HEPHL1: variants seen among roughly 807,000 people sequenced by gnomAD.
The protein encoded by HEPHL1 is hephaestin like 1.
A neutral mutation model predicts 122.0 loss-of-function variants in HEPHL1; 123 were observed. The observed-to-expected ratio is 1.01, with a 90% CI of 0.87 to 1.17. HEPHL1 has a LOEUF of 1.17. Ranked by LOEUF, HEPHL1 falls within the 50% of genes most tolerant of loss-of-function variation. The pLI, the probability that HEPHL1 is intolerant of heterozygous loss-of-function variation, is 0.00. For missense variants in HEPHL1, 1,452 were observed against 1,430.5 expected, an observed-to-expected ratio of 1.01 and a Z score of -0.24; for synonymous variants, 527 against 508.9, an observed-to-expected ratio of 1.04 and a Z score of -0.48.
At chr11:94,030,292 C>T (rs763408127) in intron 1 of HEPHL1, among the ~76,000 whole-genome samples, 1 of 152,234 alleles carries the variant, frequency 6.6e-6, no homozygotes, top group African/African-American at 2.4e-5. Context: ...TCAGTTCTTC[C>T]TCTGCCTCTT....
At chr11:94,076,193 C>T (rs1296039088) in intron 9 of HEPHL1, among the ~76,000 whole-genome samples, 1 of 151,944 alleles carries the variant, frequency 6.6e-6, no homozygotes, top group Non-Finnish European at 1.5e-5. Flanking sequence ...AGGAACAATC[C>T]CGGAAATGTC....
At chr11:94,074,672 C>T (rs1041930499) in intron 8 of HEPHL1, among the ~76,000 whole-genome samples, 1 of 152,036 alleles carries the variant, frequency 6.6e-6, no homozygotes, top group Non-Finnish European at 1.5e-5. Context: ...AGTTTGAATC[C>T]CAGATTTGCT....
intron 10 of HEPHL1, 30 bp from the exon 11 acceptor site, chr11:94,085,947 A>C (rs1275083068): frequency 1.3e-6 from 2 of 1,560,142 alleles, no homozygotes; most frequent in African/African-American, 1.4e-5. Context: ...CACACTGATA[A>C]TTTTTCACCG....
intron 18 of HEPHL1, among the ~76,000 whole-genome samples, 180 bp downstream of exon 18, chr11:94,111,245 G>A (rs1172634275): frequency 3.3e-5 from 5 of 152,200 alleles, no homozygotes; most frequent in Non-Finnish European, 7.4e-5. Flanking sequence ...AGAATGCAGA[G>A]TACAGGGCTT....
chr11:94,102,409 C>T (rs1946374415), intron 14 of HEPHL1, among the ~76,000 whole-genome samples: 1 of 152,130 alleles, frequency 6.6e-6, no homozygotes, highest in South Asian at 2.1e-4. Flanking sequence ...CTGGTTCTCA[C>T]CAGATCTCAC....
At chr11:94,073,893 A>G (rs1214772683) in intron 8 of HEPHL1, among the ~76,000 whole-genome samples, 1 of 152,086 alleles carries the variant, frequency 6.6e-6, no homozygotes, top group African/African-American at 2.4e-5. Context: ...CAAATCAACA[A>G]ATATATTTAT....
At position 94,088,890 on chromosome 11, in the gene HEPHL1, C is replaced by T. The variant is rs1187547964; in HGVS notation, c.2216C>T (p.Ala739Val). 1.2e-6 allele frequency: 2 copies of T among 1,613,980 alleles called. No individual in the cohort carries two copies. Among genetic ancestry groups the T allele is most frequent in the Admixed American group, 1.7e-5 (1 of 60,020 alleles). ...YGMIRTFYIA[A>V]EEVEWDYAPN... ...ATGATAAGAACTTTTTACATCGCCG[C>T]TGAAGAAGTAGAATGGGATTATGCC... The change falls in exon 12 of 20, where the codon GCT becomes GTT. Residue 739 changes from alanine to valine, a missense_variant. Transcript: ENST00000315765.
At chr11:94,057,928 A>AT (rs1327288021) in intron 2 of HEPHL1, among the ~76,000 whole-genome samples, 3 of 127,220 alleles carry the variant, frequency 2.4e-5, no homozygotes, top group South Asian at 2.7e-4. Context: ...ACTCTAGGTT[A>AT]TTTTTTTTGC....
At chr11:94,058,548 G>A (rs929730953) in intron 2 of HEPHL1, among the ~76,000 whole-genome samples, 4 of 152,044 alleles carry the variant, frequency 2.6e-5, no homozygotes, top group East Asian at 1.9e-4. Flanking sequence ...TGGGTTGAGC[G>A]GGTGGGGCTA....
At chr11:94,107,295 T>A (rs1355011461) in intron 17 of HEPHL1, among the ~76,000 whole-genome samples, 2 of 152,220 alleles carry the variant, frequency 1.3e-5, no homozygotes, top group African/African-American at 4.8e-5. Context: ...ACATATTAAA[T>A]GGCTATGCTG....
intron 13 of HEPHL1, among the ~76,000 whole-genome samples, chr11:94,099,994 C>G (rs948664256): frequency 6.6e-6 from 1 of 152,100 alleles, no homozygotes; most frequent in Admixed American, 6.6e-5. Context: ...CTTCGGCTCA[C>G]GCTCGGTGGG....
chr11:94,070,405 C>T lies in HEPHL1; in HGVS notation c.1095C>T (p.Asn365=), dbSNP rs757924456. ...TGCTGGGGCAATACAATGTTGATAACTGCAAAAGTGATATTTTCTACCCCA... is the reference window on the plus strand; with the variant it reads ...TGCTGGGGCAATACAATGTTGATAATTGCAAAAGTGATATTTTCTACCCCA... ...AGMLGQYNVD[N]CKSDIFYPKM... The change falls in exon 6 of 20, where the codon AAC becomes AAT. Residue 365 remains asparagine, a synonymous_variant. Transcript: ENST00000315765. 7.5e-6 allele frequency: 12 copies of T among 1,601,558 alleles called. No homozygotes were observed. In the Admixed American group the frequency reaches 2.1e-4, roughly 28 times the overall value.
chr11:94,070,624 C>T, intron 6 of HEPHL1, 82 bp downstream of exon 6: 1 of 1,161,954 alleles, frequency 8.6e-7, no homozygotes, highest in Non-Finnish European at 1.2e-6. Context: ...ATTTGTATTC[C>T]AACCACTGCT....
intron 1 of HEPHL1, among the ~76,000 whole-genome samples, chr11:94,035,547 G>T (rs1945712966): frequency 6.6e-6 from 1 of 152,098 alleles, no homozygotes; most frequent in Non-Finnish European, 1.5e-5. Flanking sequence ...ACAACGTGCA[G>T]GTTTGTTACA....
At position 94,111,002 on chromosome 11, in the gene HEPHL1, T is replaced by G. The variant is rs1946444565; in HGVS notation, c.3145T>G (p.Cys1049Gly). The G allele has an allele frequency of 6.2e-7, 1 of 1,610,470 alleles. No homozygotes were observed. The highest frequency in any genetic ancestry group is 8.5e-7 in the Non-Finnish European group (1 of 1,178,056). The change falls in exon 18 of 20, where the codon TGT becomes GGT. Residue 1049 changes from cysteine (C) to glycine (G), a missense_variant. Cys to Gly is a radical substitution (Grantham distance 159). Transcript: ENST00000315765. ...TCACCCAGGGACATGGCTGCTACAC[T>G]GTCATGTGTCTGACCACATCCATGC... ...ADHPGTWLLH[C>G]HVSDHIHAGM...
At chr11:94,063,073 A>C (rs1447258646) in intron 2 of HEPHL1, among the ~76,000 whole-genome samples, 1 of 138,636 alleles carries the variant, frequency 7.2e-6, no homozygotes, top group Non-Finnish European at 1.6e-5. Context: ...CCTATCTCTC[A>C]TGAGACCTAC....
At chr11:94,088,727 A>ATTT in intron 11 of HEPHL1, 28 bp from the exon 12 acceptor site, 2 of 1,573,392 alleles carry the variant, frequency 1.3e-6, no homozygotes, top group Non-Finnish European at 1.7e-6. Context: ...CGAGCACCAC[A>ATTT]CTCAATGCCG....
intron 1 of HEPHL1, among the ~76,000 whole-genome samples, chr11:94,034,224 A>G (rs1275746645): frequency 6.6e-6 from 1 of 152,214 alleles, no homozygotes; most frequent in Non-Finnish European, 1.5e-5. Flanking sequence ...CCTTTCCTCC[A>G]TCTGCCTAAG....
At chr11:94,097,223 T>C (rs189008024) in intron 13 of HEPHL1, among the ~76,000 whole-genome samples, 6 of 152,366 alleles carry the variant, frequency 3.9e-5, no homozygotes, top group Admixed American at 3.9e-4. Context: ...GTTGTGTCTT[T>C]GTTCTCATTG....
Sources: gnomAD v4.1 joint callset for allele counts (sites outside exome capture counted in the v4.1 genomes callset) on GRCh38, gnomAD v4.1.1 for gene constraint, MANE v1.5 for transcripts, NCBI Gene and HGNC (gene_info 2026-07-23, HGNC 2026-07-21) for gene names.